Variants in CNTN4 observed in about 807,000 individuals in gnomAD.
CNTN4 encodes contactin 4, also known as contactin-4.
A neutral mutation model predicts 122.5 loss-of-function variants in CNTN4; 77 were observed. That is an observed-to-expected ratio of 0.63 (90% CI 0.52 to 0.76). CNTN4 has a LOEUF of 0.76. CNTN4 is among the 30% of genes least tolerant of loss of function. CNTN4 has a pLI of 0.00. For missense variants in CNTN4, 1,256 were observed against 1,259.1 expected, an observed-to-expected ratio of 1.00 and a Z score of 0.04; for synonymous variants, 512 against 447.0, an observed-to-expected ratio of 1.15 and a Z score of -1.83.
chr3:3,034,680 C>T lies in CNTN4; in HGVS notation c.1832C>T (p.Thr611Ile). 1 of 1,614,118 alleles carries T rather than the reference C, an allele frequency of 6.2e-7. No homozygotes were observed. Among genetic ancestry groups the T allele is most frequent in the Non-Finnish European group, 8.5e-7 (1 of 1,180,008 alleles). ...EAVTIDEITD[T>I]TAQLSWRPGP... Reference sequence around the variant, plus strand: ...GTGACAATAGACGAAATCACAGATACCACTGCTCAGCTCTCCTGGAGACCC... The same window carrying T: ...GTGACAATAGACGAAATCACAGATATCACTGCTCAGCTCTCCTGGAGACCC... Residue 611 changes from threonine (T) to isoleucine (I), a missense_variant, in exon 17 of 25, where the codon ACC becomes ATC. By Grantham distance (89) the Thr-to-Ile change is moderately conservative. Coordinates refer to ENST00000418658, the MANE Select transcript of CNTN4 (RefSeq NM_175607.3).
chr3:2,174,948 C>T (rs1259428142), intron 2 of CNTN4, among the ~76,000 whole-genome samples: 2 of 152,126 alleles, frequency 1.3e-5, no homozygotes, highest in Non-Finnish European at 2.9e-5. Context: ...GATCCTCCCC[C>T]ATGATCCAGT....
chr3:3,042,922 T>C (rs1700298982), intron 21 of CNTN4, 55 bp from the exon 22 acceptor site: 1 of 1,422,884 alleles, frequency 7.0e-7, no homozygotes, highest in East Asian at 2.3e-5. Context: ...CCTGATGACA[T>C]TGCAAATATC....
intron 4 of CNTN4, among the ~76,000 whole-genome samples, chr3:2,721,917 A>T (rs2087879872): frequency 6.6e-6 from 1 of 152,172 alleles, no homozygotes; most frequent in Non-Finnish European, 1.5e-5. Context: ...GCACCCATGT[A>T]AGAGAAGCCC....
chr3:2,296,711 A>G (rs2042325860), intron 2 of CNTN4, among the ~76,000 whole-genome samples: 1 of 151,810 alleles, frequency 6.6e-6, no homozygotes, highest in African/African-American at 2.4e-5. Flanking sequence ...GAAGAATAAA[A>G]TGGTCCACAG....
At position 3,014,046 on chromosome 3, in the gene CNTN4, G is replaced by GCACACACACACACACA. The variant is rs1559789736; in HGVS notation, c.1487-12056_1487-12055insCACACACACACACACA. ...TTTATTGAGGAACAGACATTTAAAT[G>GCACACACACACACACA]TACACACACACACACACACACACAC... On this transcript the variant is annotated intron_variant, in intron 14 of 24. Transcript: ENST00000418658. Among the ~76,000 whole-genome samples, 6 of 87,812 alleles carry GCACACACACACACACA rather than the reference G, an allele frequency of 6.8e-5. No homozygotes were observed. In the East Asian group the frequency reaches 2.1e-3, roughly 31 times the overall value. The allele number at this position is 87,812 out of a possible 152,430, so 57.6% of individuals were successfully genotyped here.
At chr3:2,221,893 C>T (rs1003258881) in intron 2 of CNTN4, among the ~76,000 whole-genome samples, 9 of 152,108 alleles carry the variant, frequency 5.9e-5, no homozygotes, top group Non-Finnish European at 1.3e-4. Flanking sequence ...ACAGTAATAA[C>T]ACTTTTTAAA....
At chr3:2,263,412 C>T (rs1449223581) in intron 2 of CNTN4, among the ~76,000 whole-genome samples, 1 of 151,954 alleles carries the variant, frequency 6.6e-6, no homozygotes, top group African/African-American at 2.4e-5. Context: ...ATGCACCCAA[C>T]CATTGTTTAT....
At chr3:2,687,490 A>G (rs1023110555) in intron 4 of CNTN4, among the ~76,000 whole-genome samples, 1 of 152,068 alleles carries the variant, frequency 6.6e-6, no homozygotes, top group Non-Finnish European at 1.5e-5. Context: ...GTAAGACTCT[A>G]TGTCTTCAAA....
At chr3:2,704,666 C>A (rs2086549891) in intron 4 of CNTN4, among the ~76,000 whole-genome samples, 1 of 152,104 alleles carries the variant, frequency 6.6e-6, no homozygotes, top group Non-Finnish European at 1.5e-5. Flanking sequence ...TTCCCACTCC[C>A]ATAAAATATG....
intron 4 of CNTN4, among the ~76,000 whole-genome samples, chr3:2,683,449 T>C (rs2085270333): frequency 7.7e-6 from 1 of 129,234 alleles, no homozygotes; most frequent in African/African-American, 3.4e-5. Context: ...ATGCTTATTC[T>C]TGAATATAAG....
chr3:2,125,579 A>ATTT (rs1559267011), intron 2 of CNTN4, among the ~76,000 whole-genome samples: 1 of 107,718 alleles, frequency 9.3e-6, no homozygotes, highest in African/African-American at 3.6e-5. Context: ...TTTTTTTTTG[A>ATTT]GACGAGTCTC....
At position 3,045,006 on chromosome 3, in the gene CNTN4, G is replaced by A. The variant is rs531927756; in HGVS notation, c.2811+1302G>A. Among the ~76,000 whole-genome samples, 36 of 152,336 alleles carry A rather than the reference G, an allele frequency of 2.4e-4. No homozygotes were observed. The South Asian group carries it at 3.5e-3, about 15-fold the overall frequency. On this transcript the variant is annotated intron_variant, in intron 23 of 24. Transcript: ENST00000418658. ...CTCAGAGGGTCCCATGCCCGGCTCA[G>A]AGGGTCCCATGCCCACAGAGCCTTG...
intron 2 of CNTN4, among the ~76,000 whole-genome samples, chr3:2,108,015 G>A (rs2032596127): frequency 6.6e-6 from 1 of 152,052 alleles, no homozygotes; most frequent in African/African-American, 2.4e-5. Context: ...CACATCCTCA[G>A]GCTTAATTCC....
intron 2 of CNTN4, among the ~76,000 whole-genome samples, chr3:2,272,029 T>G (rs935257834): frequency 1.3e-5 from 2 of 152,182 alleles, no homozygotes; most frequent in South Asian, 2.1e-4. Context: ...AAACAGTATT[T>G]CAGTATGATT....
At chr3:3,007,360 T>C (rs541635343) in intron 14 of CNTN4, among the ~76,000 whole-genome samples, 1 of 152,368 alleles carries the variant, frequency 6.6e-6, no homozygotes, top group East Asian at 1.9e-4. Flanking sequence ...TGATTTCTCA[T>C]GTATCTGATT....
At chr3:2,269,206 G>A (rs957589502) in intron 2 of CNTN4, among the ~76,000 whole-genome samples, 9 of 152,036 alleles carry the variant, frequency 5.9e-5, no homozygotes, top group African/African-American at 9.7e-5. Context: ...AGTGCTCAGA[G>A]GCCTTTGTTT....
intron 3 of CNTN4, among the ~76,000 whole-genome samples, chr3:2,452,834 T>A (rs967053662): frequency 3.3e-5 from 5 of 152,060 alleles, no homozygotes; most frequent in African/African-American, 9.7e-5. Flanking sequence ...AAAGGGAATA[T>A]CAAAGCCCAG....
intron 2 of CNTN4, among the ~76,000 whole-genome samples, chr3:2,191,463 A>G (rs538085635): frequency 3.6e-4 from 55 of 152,172 alleles, no homozygotes; most frequent in African/African-American, 1.2e-3. Context: ...ATTGTCCTCT[A>G]TGTCCCTTTT....
intron 3 of CNTN4, among the ~76,000 whole-genome samples, chr3:2,356,570 G>C (rs955171033): frequency 1.3e-5 from 2 of 152,200 alleles, no homozygotes; most frequent in African/African-American, 4.8e-5. Context: ...GTGGATTTCA[G>C]CCAGCTTCTT....
Sources: gnomAD v4.1 joint callset for allele counts (sites outside exome capture counted in the v4.1 genomes callset) on GRCh38, gnomAD v4.1.1 for gene constraint, MANE v1.5 for transcripts, NCBI Gene and HGNC (gene_info 2026-07-23, HGNC 2026-07-21) for gene names.